Variants in ARFRP1 observed in about 807,000 individuals in gnomAD.
The protein encoded by ARFRP1 is ARF related protein 1.
ARFRP1 carries 19 observed loss-of-function variants against 30.3 expected under a neutral mutation model. The observed-to-expected ratio is 0.63, with a 90% CI of 0.44 to 0.92. The LOEUF (loss-of-function observed/expected upper bound fraction) is 0.92. Among genes scored for constraint, ARFRP1 ranks in the 40% least tolerant of loss-of-function variants. The pLI, the probability that ARFRP1 is intolerant of heterozygous loss-of-function variation, is 0.00. For synonymous variants in ARFRP1, 133 were observed against 114.2 expected (o/e 1.16, Z -1.05); for missense variants, 245 against 267.5 (o/e 0.92, Z 0.59).
chr20:63,706,497 C>A, intron 3 of ARFRP1, 58 bp from the exon 4 acceptor site: 1 of 1,571,366 alleles, frequency 6.4e-7, no homozygotes, highest in Non-Finnish European at 8.8e-7. Flanking sequence ...ACACCCAGTC[C>A]CAGCTCTCCC....
At chr20:63,701,615 G>A in intron 6 of ARFRP1, 1 of 599,454 alleles carries the variant, frequency 1.7e-6, no homozygotes, top group Non-Finnish European at 3.0e-6. Context: ...CTGGGCGCCT[G>A]CCCTGAGGTG....
intron 4 of ARFRP1, chr20:63,703,009 C>G (rs1214935477): frequency 6.6e-6 from 1 of 152,308 alleles, no homozygotes; most frequent in East Asian, 1.9e-4. Context: ...GCCTCAGGTA[C>G]AAGTGCTGAG....
At chr20:63,704,724 G>A in intron 4 of ARFRP1, 1 of 152,270 alleles carries the variant, frequency 6.6e-6, no homozygotes, top group East Asian at 1.9e-4. Flanking sequence ...CTGCAGCTGT[G>A]GCCAGTGCAG....
intron 4 of ARFRP1, chr20:63,703,941 A>C (rs1291210): frequency 0.19 from 29,653 of 152,484 alleles, 3,905 homozygotes; most frequent in East Asian, 0.63. Flanking sequence ...GGAGGTGTCC[A>C]AGCGTGGCTC....
At chr20:63,701,448 A>G in intron 6 of ARFRP1, 1 of 489,852 alleles carries the variant, frequency 2.0e-6, no homozygotes, top group Non-Finnish European at 4.1e-6. Flanking sequence ...CAAGGGTAGC[A>G]GGAACAGGTA....
chr20:63,706,864 CTGGTGGTGACTA>C, intron 2 of ARFRP1, 123 bp downstream of exon 2: 1 of 1,249,270 alleles, frequency 8.0e-7, no homozygotes, highest in South Asian at 1.2e-5. Flanking sequence ...CTTCAGGAGG[CTGGTGGTGACTA>C]TCCTGCCGTC....
chr20:63,707,231 T>A, intron 1 of ARFRP1, 134 bp from the exon 2 acceptor site: 1 of 700,796 alleles, frequency 1.4e-6, no homozygotes, highest in Admixed American at 2.5e-5. Context: ...TCCCGACTCC[T>A]CGTCCCTCTC....
Position 63,700,432 on chromosome 20 carries a change from C to T in ARFRP1, c.*11G>A, listed in dbSNP as rs1412578062. The T allele has an allele frequency of 7.5e-6, 12 of 1,606,810 alleles. No homozygotes were observed. The highest frequency in any genetic ancestry group is 3.3e-5 in the Admixed American group (2 of 59,998). On this transcript the variant is annotated 3_prime_UTR_variant, in exon 8 of 8. Transcript: ENST00000622789. The stretch of plus-strand genomic sequence containing the variant: ...AGGGGACCAGCCGTCCCGACGGCAG[C>T]GCGGCTGCGCCTACGTGATGTCCCT...
In ARFRP1 at chr20:63,700,706, G is replaced by A. The variant is rs368169075; in HGVS notation, c.418-4C>T. 1.9e-5 allele frequency: 30 copies of A among 1,610,172 alleles called. No individual in the cohort carries two copies. Among genetic ancestry groups the A allele is most frequent in the Non-Finnish European group, 2.5e-5 (30 of 1,179,760 alleles). ...TGTCAGGGATTGAGAGGCACGTCTG[G>A]GGGAGGTAAGGCCGTGAGGAGCAGC... On this transcript the variant is annotated splice_polypyrimidine_tract_variant and splice_region_variant and intron_variant, in intron 6 of 7. Coordinates refer to ENST00000622789, the MANE Select transcript of ARFRP1 (RefSeq NM_001267547.3).
chr20:63,705,811 C>T (rs752065649), intron 4 of ARFRP1: 2 of 520,226 alleles, frequency 3.8e-6, no homozygotes, highest in Non-Finnish European at 7.9e-6. Flanking sequence ...AAACAGACTG[C>T]CCTGACCTCT....
At position 63,699,436 on chromosome 20, in the gene ARFRP1, G is replaced by A. The variant is rs2091083413; in HGVS notation, c.*1007C>T. 1 of 152,534 alleles carries A rather than the reference G, an allele frequency of 6.6e-6. No homozygotes were observed. The allele number at this position is 152,534 out of a possible 1,614,324, so 9.4% of individuals were successfully genotyped here. ...CCCTCACCTGCCCACCAGCCCCTGA[G>A]CAGCCCAGTAACACCATCACCGTGT... is the stretch of plus-strand genomic sequence containing the variant. On this transcript the variant is annotated 3_prime_UTR_variant, in exon 8 of 8. Transcript: ENST00000622789.
In ARFRP1 at chr20:63,700,001, GGGGT is replaced by G. The variant is rs2091116464; in HGVS notation, c.*438_*441del. The G allele has an allele frequency of 9.0e-6, 2 of 221,576 alleles. No individual in the cohort carries two copies. Among genetic ancestry groups the G allele is most frequent in the Admixed American group, 5.5e-5 (1 of 18,146 alleles). The allele number at this position is 221,576 out of a possible 1,614,324, so 13.7% of individuals were successfully genotyped here. ...ACCACTTCCGGGGTCACGGGGTCAC[GGGGT>G]CACAGGGCAGAAGCCAGATGGCAGC... On this transcript the variant is annotated 3_prime_UTR_variant, in exon 8 of 8. Transcript: ENST00000622789.
Position 63,699,550 on chromosome 20 carries a change from A to G in ARFRP1, c.*893T>C, listed in dbSNP as rs2091089757. 6.6e-6 allele frequency: 1 copy of G among 152,398 alleles called. No homozygotes were observed. Among genetic ancestry groups the G allele is most frequent in the Admixed American group, 6.5e-5 (1 of 15,276 alleles). The allele number at this position is 152,398 out of a possible 1,614,324, so 9.4% of individuals were successfully genotyped here. Reference sequence around the variant, plus strand: ...TTATTTTGCACTCACCCTGGGTGACACTGGGCAGGCCGCTCCTGCCCACAG... The same window carrying G: ...TTATTTTGCACTCACCCTGGGTGACGCTGGGCAGGCCGCTCCTGCCCACAG... On this transcript the variant is annotated 3_prime_UTR_variant, in exon 8 of 8. Transcript: ENST00000622789.
At chr20:63,701,625 G>A (rs933846814) in intron 6 of ARFRP1, 6 of 603,246 alleles carry the variant, frequency 9.9e-6, no homozygotes, top group South Asian at 8.0e-5. Flanking sequence ...GCCCTGAGGT[G>A]GGAGAACCTC....
rs962586121 is a variant in ARFRP1, at chr20:63,702,010, C to T, written c.347-110G>A. The stretch of plus-strand genomic sequence containing the variant: ...AGCCACTCCCTCTGCCCCCCCCCCC[C>T]CCGTCACCCACTAGGCAGGAGCACT... On this transcript the variant is annotated intron_variant, in intron 5 of 7. Transcript: ENST00000622789. 6.9e-5 allele frequency: 62 copies of T among 893,208 alleles called. 6 individuals carry two copies. In the African/African-American group the frequency reaches 8.8e-4, roughly 13 times the overall value. 55.3% of individuals were successfully genotyped at this position (893,208 alleles called of 1,614,324 possible).
chr20:63,702,144 T>C lies in ARFRP1; in HGVS notation c.338A>G (p.Gln113Arg). Reference protein sequence around the residue: ...TDEERLAESKQAFEKVVTSEA... With the variant: ...TDEERLAESKRAFEKVVTSEA... The stretch of plus-strand genomic sequence containing the variant: ...AGCCAGGCCGCACTCACCAAACGCC[T>C]GCTTGGACTCAGCCAGCCTCTCCTC... Residue 113 changes from glutamine to arginine, a missense_variant, in exon 5 of 8, where the codon CAG becomes CGG. By Grantham distance (43) the Gln-to-Arg change is conservative (BLOSUM62 1). Transcript: ENST00000622789. 6.2e-7 allele frequency: 1 copy of C among 1,611,210 alleles called. No homozygotes were observed.
At chr20:63,705,758 G>A in intron 4 of ARFRP1, 1 of 533,114 alleles carries the variant, frequency 1.9e-6, no homozygotes, top group Non-Finnish European at 3.8e-6. Context: ...AGGAGTGCAG[G>A]GTCCCCAGGT....
chr20:63,702,380 A>G (rs1260440681), intron 4 of ARFRP1, 163 bp from the exon 5 acceptor site: 5 of 671,098 alleles, frequency 7.5e-6, no homozygotes, highest in Admixed American at 5.4e-5. Flanking sequence ...GGTTGCGGGG[A>G]GATCTGGTGG....
At position 63,700,720 on chromosome 20, in the gene ARFRP1, G is replaced by A. The variant is rs111732018; in HGVS notation, c.418-18C>T. 3.0e-5 allele frequency: 49 copies of A among 1,608,050 alleles called. No homozygotes were observed. Among genetic ancestry groups the A allele is most frequent in the African/African-American group, 1.6e-4 (12 of 74,946 alleles). ...AGGCACGTCTGGGGGAGGTAAGGCC[G>A]TGAGGAGCAGCCCCCACGTCTGGCC... is the stretch of plus-strand genomic sequence containing the variant. On this transcript the variant is annotated intron_variant, in intron 6 of 7. Coordinates refer to ENST00000622789, the MANE Select transcript of ARFRP1 (RefSeq NM_001267547.3).
Sources: gnomAD v4.1 joint callset for allele counts on GRCh38, gnomAD v4.1.1 for gene constraint, MANE v1.5 for transcripts, NCBI Gene and HGNC (gene_info 2026-07-23, HGNC 2026-07-21) for gene names.